C9: variants seen among roughly 807,000 people sequenced by gnomAD.
The protein encoded by C9 is complement C9.
In C9, 63 loss-of-function variants were observed where a neutral mutation model predicts 65.4. The ratio of observed to expected loss-of-function variants is 0.96; its 90% confidence interval spans 0.79 to 1.19. The LOEUF (loss-of-function observed/expected upper bound fraction) is 1.19. Ranked by LOEUF, C9 falls within the 50% of genes most tolerant of loss-of-function variation. C9 has a pLI of 0.00. For synonymous variants in C9, 229 were observed against 227.9 expected (o/e 1.00, Z -0.04); for missense variants, 744 against 670.1 (o/e 1.11, Z -1.22).
chr5:39,332,973 A>G (rs1450822699), intron 4 of C9, among the ~76,000 whole-genome samples: 1 of 152,194 alleles, frequency 6.6e-6, no homozygotes, highest in Non-Finnish European at 1.5e-5. Flanking sequence ...AAGTTAAGAA[A>G]CTGATGCATG....
chr5:39,323,537 A>C (rs2111912791), intron 5 of C9, among the ~76,000 whole-genome samples: 1 of 151,338 alleles, frequency 6.6e-6, no homozygotes, highest in South Asian at 2.1e-4. Context: ...TAATTGTGAT[A>C]CACCACATTA....
chr5:39,334,081 A>G (rs834902), intron 4 of C9, among the ~76,000 whole-genome samples: 72,553 of 146,644 alleles, frequency 0.49, 18,414 homozygotes, highest in African/African-American at 0.67. Flanking sequence ...CCATCGTCTG[A>G]GATGTGAGGA....
chr5:39,318,238 G>A (rs1422110936), intron 5 of C9, among the ~76,000 whole-genome samples: 1 of 152,160 alleles, frequency 6.6e-6, no homozygotes, highest in Non-Finnish European at 1.5e-5. Context: ...ATAAGCTTAA[G>A]AAGCCTCTGG....
Position 39,284,580 on chromosome 5 carries a change from C to T in C9, c.*619G>A, listed in dbSNP as rs1422444360. The stretch of plus-strand genomic sequence containing the variant: ...CTAACTGGATTTTTGTACCCATTAA[C>T]CAACTCCTCTTTATCTCCCTTCAGT... On this transcript the variant is annotated 3_prime_UTR_variant, in exon 11 of 11. Coordinates refer to ENST00000263408, the MANE Select transcript of C9 (RefSeq NM_001737.5). 1 of 152,292 alleles carries T rather than the reference C, an allele frequency of 6.6e-6. No individual in the cohort carries two copies. The highest frequency in any genetic ancestry group is 1.5e-5 in the Non-Finnish European group (1 of 68,128). The allele number at this position is 152,292 out of a possible 1,614,324, so 9.4% of individuals were successfully genotyped here. A position where few individuals can be genotyped will look rare whatever the true frequency, so the allele number is the denominator to read the frequency against.
intron 4 of C9, among the ~76,000 whole-genome samples, 191 bp from the exon 5 acceptor site, chr5:39,332,005 G>A (rs968289742): frequency 1.3e-5 from 2 of 152,146 alleles, no homozygotes; most frequent in Non-Finnish European, 2.9e-5. Flanking sequence ...GCATACCTTA[G>A]GAGAGGCTTA....
intron 1 of C9, among the ~76,000 whole-genome samples, chr5:39,346,859 G>A (rs899075300): frequency 3.3e-5 from 5 of 152,160 alleles, no homozygotes; most frequent in Non-Finnish European, 7.4e-5. Context: ...ATGCAAGGCT[G>A]GTTCAACATA....
At chr5:39,304,991 T>C (rs1224178174) in intron 9 of C9, among the ~76,000 whole-genome samples, 2 of 152,168 alleles carry the variant, frequency 1.3e-5, no homozygotes, top group African/African-American at 4.8e-5. Context: ...AGAACACTCT[T>C]GAATTTGTAG....
intron 5 of C9, among the ~76,000 whole-genome samples, chr5:39,318,123 A>T (rs1579854863): frequency 6.6e-6 from 1 of 150,840 alleles, no homozygotes; most frequent in East Asian, 1.9e-4. Flanking sequence ...CGTGAATGGG[A>T]GTTAATTTAT....
intron 1 of C9, among the ~76,000 whole-genome samples, chr5:39,350,776 G>A (rs1754308246): frequency 6.6e-6 from 1 of 152,140 alleles, no homozygotes; most frequent in Non-Finnish European, 1.5e-5. Context: ...TGCTTTCATG[G>A]GCTGACATTG....
In C9 at chr5:39,341,252, C is replaced by G. The variant is rs1645665871; in HGVS notation, c.370G>C (p.Asp124His). Residue 124 changes from aspartate (D) to histidine (H), a missense_variant, in exon 4 of 11, where the codon GAC (aspartate) becomes CAC (histidine). Physicochemically the swap from Asp to His is moderately conservative, Grantham distance 81 (BLOSUM62 -1). Coordinates refer to ENST00000263408, the MANE Select transcript of C9 (RefSeq NM_001737.5). ...TCCTCATCTGAAAAGTCTCCGCAGT[C>G]ATTGTCACCATTACACCGAAGTCGC... ...KMRLRCNGDN[D>H]CGDFSDEDDC... is the part of the protein sequence containing the mutation. The G allele has an allele frequency of 1.9e-6, 3 of 1,614,186 alleles. No individual in the cohort carries two copies. Among genetic ancestry groups the G allele is most frequent in the Non-Finnish European group, 2.5e-6 (3 of 1,180,020 alleles).
Position 39,308,214 on chromosome 5 carries a change from G to C in C9, c.1240+16C>G. On this transcript the variant is annotated intron_variant, in intron 8 of 10. Coordinates refer to ENST00000263408, the MANE Select transcript of C9 (RefSeq NM_001737.5). ...CCTCAGGCTTTATAAAATCTAACAAGTGAGGCCACACTTACCAGCTCTACC... is the reference window on the plus strand; with the variant it reads ...CCTCAGGCTTTATAAAATCTAACAACTGAGGCCACACTTACCAGCTCTACC... 6.2e-7 allele frequency: 1 copy of C among 1,611,408 alleles called. No individual in the cohort carries two copies. The highest frequency in any genetic ancestry group is 8.5e-7 in the Non-Finnish European group (1 of 1,177,692).
intron 1 of C9, among the ~76,000 whole-genome samples, chr5:39,357,769 G>C (rs930956414): frequency 2.6e-5 from 4 of 152,130 alleles, no homozygotes; most frequent in African/African-American, 7.2e-5. Flanking sequence ...TCAAAAGTAG[G>C]GTTTATGTGT....
At chr5:39,294,406 C>T (rs1469835297) in intron 9 of C9, among the ~76,000 whole-genome samples, 1 of 151,602 alleles carries the variant, frequency 6.6e-6, no homozygotes, top group South Asian at 2.1e-4. Context: ...CACAGAAACA[C>T]AAAGGGTCAT....
At chr5:39,355,683 C>A (rs1166445157) in intron 1 of C9, among the ~76,000 whole-genome samples, 1 of 152,158 alleles carries the variant, frequency 6.6e-6, no homozygotes, top group African/African-American at 2.4e-5. Context: ...TCTAGGGCCA[C>A]CATAACAAAG....
chr5:39,333,823 G>A (rs918139365), intron 4 of C9, among the ~76,000 whole-genome samples: 14 of 152,172 alleles, frequency 9.2e-5, no homozygotes, highest in African/African-American at 2.2e-4. Context: ...TGTGTTGGCC[G>A]GGCTGGTCTC....
At chr5:39,358,901 C>T (rs961145408) in intron 1 of C9, among the ~76,000 whole-genome samples, 1 of 151,142 alleles carries the variant, frequency 6.6e-6, no homozygotes, top group Non-Finnish European at 1.5e-5. Context: ...AGGAGAATGG[C>T]GTGAACCCGG....
chr5:39,325,209 A>T (rs1753727458), intron 5 of C9, among the ~76,000 whole-genome samples: 1 of 152,210 alleles, frequency 6.6e-6, no homozygotes, highest in Admixed American at 6.5e-5. Context: ...TTGAGAGAAG[A>T]AACCTATGAA....
chr5:39,288,899 T>C lies in C9; in HGVS notation c.1469A>G (p.Lys490Arg). Residue 490 changes from lysine (K) to arginine (R), a missense_variant, in exon 10 of 11, where the codon AAG becomes AGG. Lys to Arg is a conservative substitution (Grantham distance 26, BLOSUM62 2). Transcript: ENST00000263408. ...AATGGCTCTTTCCAAGTTTTGTTTC[T>C]TTAGGTGTGCATTTTTCATTTTCAC... ...VPVKMKNAHL[K>R]KQNLERAIED... 6.2e-7 allele frequency: 1 copy of C among 1,611,566 alleles called. No individual in the cohort carries two copies.
chr5:39,350,291 T>C (rs1754299225), intron 1 of C9, among the ~76,000 whole-genome samples: 1 of 152,174 alleles, frequency 6.6e-6, no homozygotes, highest in Non-Finnish European at 1.5e-5. Context: ...AGGCTCCTCC[T>C]TGAACATGTG....
Sources: gnomAD v4.1 joint callset for allele counts (sites outside exome capture counted in the v4.1 genomes callset) on GRCh38, gnomAD v4.1.1 for gene constraint, MANE v1.5 for transcripts, NCBI Gene and HGNC (gene_info 2026-07-23, HGNC 2026-07-21) for gene names.